DNAH8: variants seen among roughly 807,000 people sequenced by gnomAD.
DNAH8 encodes dynein axonemal heavy chain 8.
In DNAH8, 382 loss-of-function variants were observed where a neutral mutation model predicts 562.1. The observed-to-expected ratio is 0.68, with a 90% confidence interval of 0.63 to 0.74. The LOEUF (loss-of-function observed/expected upper bound fraction) is 0.74. Among genes scored for constraint, DNAH8 ranks in the 30% least tolerant of loss-of-function variants. The pLI, the probability that DNAH8 is intolerant of heterozygous loss-of-function variation, is 0.00. For missense variants in DNAH8, 5,203 were observed against 5,620.4 expected (o/e 0.93, Z 2.37); for synonymous variants, 1,881 against 1,919.4 (o/e 0.98, Z 0.52).
chr6:38,755,082 G>T (rs1009017287), intron 9 of DNAH8, among the ~76,000 whole-genome samples: 3 of 151,956 alleles, frequency 2.0e-5, no homozygotes, highest in Admixed American at 6.6e-5. Flanking sequence ...TCCATGGTTG[G>T]TTTATTTCAT....
intron 13 of DNAH8, among the ~76,000 whole-genome samples, chr6:38,777,282 C>G (rs1335062960): frequency 6.6e-6 from 1 of 151,002 alleles, no homozygotes; most frequent in African/African-American, 2.4e-5. Flanking sequence ...AACTTGTTAT[C>G]TCTTAAATTA....
chr6:38,909,371 A>G, intron 64 of DNAH8, 147 bp from the exon 65 acceptor site: 1 of 674,188 alleles, frequency 1.5e-6, no homozygotes, highest in Non-Finnish European at 2.6e-6. Flanking sequence ...CTTCATCACA[A>G]CATTAAATTT....
Position 38,976,404 on chromosome 6 carries a change from TCTC to T in DNAH8, c.12834+1878_12834+1880del, listed in dbSNP as rs1248417759. ...AGTGTTTACTGTGATATTTCCAAAA[TCTC>T]CTGGGAATTTTAGACATATGTTTCA... On this transcript the variant is annotated intron_variant, in intron 85 of 92. Coordinates refer to ENST00000327475, the MANE Select transcript of DNAH8 (RefSeq NM_001206927.2). Among the ~76,000 whole-genome samples the T allele has an allele frequency of 3.9e-5, 6 of 152,326 alleles. No homozygotes were observed. The East Asian group carries it at 1.2e-3, about 29-fold the overall frequency.
At position 38,791,689 on chromosome 6, in the gene DNAH8, A is replaced by C. The variant is rs1379317521; in HGVS notation, c.2901+15A>C. ...CCCTCAATGAGGTATGCATTTGTTC[A>C]TTAAATTAGAATCACAAAAATATTG... On this transcript the variant is annotated intron_variant, in intron 21 of 92. Coordinates refer to ENST00000327475, the MANE Select transcript of DNAH8 (RefSeq NM_001206927.2). 6.2e-7 allele frequency: 1 copy of C among 1,603,288 alleles called. No individual in the cohort carries two copies. The highest frequency in any genetic ancestry group is 8.5e-7 in the Non-Finnish European group (1 of 1,177,412).
intron 21 of DNAH8, 98 bp downstream of exon 21, chr6:38,791,772 AT>A: frequency 7.8e-7 from 1 of 1,282,226 alleles, no homozygotes; most frequent in Non-Finnish European, 1.1e-6. Flanking sequence ...GGTCAGTAGC[AT>A]TTAGACTTTT....
Position 38,823,045 on chromosome 6 carries a change from G to T in DNAH8, c.3720+11G>T. ...GATGTGAAAGTGAAGGTGTCTTTCT[G>T]CTACTTGTGATGTTGTTTGGGTTTT... On this transcript the variant is annotated intron_variant, in intron 27 of 92. Coordinates refer to ENST00000327475, the MANE Select transcript of DNAH8 (RefSeq NM_001206927.2). The T allele has an allele frequency of 6.4e-7, 1 of 1,557,570 alleles. No individual in the cohort carries two copies. The highest frequency in any genetic ancestry group is 8.6e-7 in the Non-Finnish European group (1 of 1,157,674).
intron 82 of DNAH8, among the ~76,000 whole-genome samples, chr6:38,964,524 A>G (rs945082143): frequency 1.3e-5 from 2 of 151,302 alleles, no homozygotes; most frequent in Non-Finnish European, 2.9e-5. Flanking sequence ...TTCTCCATGT[A>G]TGAATTCCTC....
intron 58 of DNAH8, among the ~76,000 whole-genome samples, chr6:38,891,547 A>G (rs1249514905): frequency 1.3e-5 from 2 of 152,198 alleles, no homozygotes; most frequent in African/African-American, 4.8e-5. Flanking sequence ...TTATTGGAAG[A>G]GGAATTTGGG....
intron 81 of DNAH8, among the ~76,000 whole-genome samples, chr6:38,950,243 C>T (rs1220887347): frequency 2.0e-5 from 3 of 148,350 alleles, no homozygotes; most frequent in East Asian, 2.0e-4. Context: ...ATGGGTAAGG[C>T]AGAGGAGTAA....
chr6:38,815,683 T>A (rs758927394), intron 26 of DNAH8, 26 bp downstream of exon 26: 1 of 1,580,532 alleles, frequency 6.3e-7, no homozygotes, highest in Non-Finnish European at 8.6e-7. Context: ...TAGTCAATGA[T>A]CTTACTGATC....
At chr6:38,984,459 CGCACACACAT>C in intron 87 of DNAH8, 152 bp downstream of exon 87, 2 of 611,712 alleles carry the variant, frequency 3.3e-6, no homozygotes, top group Non-Finnish European at 2.9e-6. Flanking sequence ...CTTACACACA[CGCACACACAT>C]GCACACACAC....
chr6:39,004,642 A>G (rs1190263547), intron 88 of DNAH8, among the ~76,000 whole-genome samples: 1 of 152,226 alleles, frequency 6.6e-6, no homozygotes, highest in African/African-American at 2.4e-5. Context: ...ATATAACGTT[A>G]TAAGATTTCC....
intron 35 of DNAH8, 71 bp downstream of exon 35, chr6:38,842,974 A>G: frequency 6.5e-7 from 1 of 1,532,632 alleles, no homozygotes; most frequent in Non-Finnish European, 8.8e-7. Context: ...TGGGAGTTGT[A>G]CAGATATTTT....
intron 36 of DNAH8, among the ~76,000 whole-genome samples, chr6:38,846,992 G>C (rs555092694): frequency 6.6e-6 from 1 of 152,284 alleles, no homozygotes; most frequent in East Asian, 1.9e-4. Context: ...GCAGTGCCAA[G>C]TAGGTCTGGA....
chr6:38,957,866 C>CAAAAAAAAAAAAAAAAAAA (rs1209427701), intron 82 of DNAH8, among the ~76,000 whole-genome samples: 1 of 75,888 alleles, frequency 1.3e-5, no homozygotes, highest in African/African-American at 5.4e-5. Context: ...ATGCCTACAC[C>CAAAAAAAAAAAAAAAAAAA]AAAAAAAAAA....
Position 38,909,684 on chromosome 6 carries a change from T to C in DNAH8, c.9680T>C (p.Val3227Ala), listed in dbSNP as rs774252886. The part of the protein sequence containing the change: ...VCSSEIKRQV[V>A]ETMGLFHDMV... ...TCTAGTGAAATTAAAAGACAAGTTG[T>C]AGAAACAATGGGCCTGTTTCATGAC... Residue 3227 changes from valine (V) to alanine (A), a missense_variant, in exon 65 of 93, where the codon GTA (valine) becomes GCA (alanine). Val to Ala is a moderately conservative substitution (Grantham distance 64). Coordinates refer to ENST00000327475, the MANE Select transcript of DNAH8 (RefSeq NM_001206927.2). 1 of 1,614,130 alleles carries C rather than the reference T, an allele frequency of 6.2e-7. No individual in the cohort carries two copies. The highest frequency in any genetic ancestry group is 8.5e-7 in the Non-Finnish European group (1 of 1,179,982).
At chr6:38,871,629 AT>A (rs1035428968) in intron 49 of DNAH8, among the ~76,000 whole-genome samples, 49 of 152,168 alleles carry the variant, frequency 3.2e-4, no homozygotes, top group Non-Finnish European at 5.9e-4. Flanking sequence ...TGACTTCTTA[AT>A]TTTTTTAATG....
intron 89 of DNAH8, 95 bp downstream of exon 89, chr6:39,009,065 G>A: frequency 1.1e-6 from 1 of 890,142 alleles, no homozygotes; most frequent in Non-Finnish European, 1.7e-6. Context: ...CTACCTGTTG[G>A]TGACTATGTG....
intron 53 of DNAH8, among the ~76,000 whole-genome samples, chr6:38,880,948 A>T (rs1460280806): frequency 1.3e-5 from 2 of 152,182 alleles, no homozygotes; most frequent in African/African-American, 4.8e-5. Flanking sequence ...AAATTGCTTG[A>T]ACCCGGAGAT....
Sources: gnomAD v4.1 joint callset for allele counts (sites outside exome capture counted in the v4.1 genomes callset) on GRCh38, gnomAD v4.1.1 for gene constraint, MANE v1.5 for transcripts, NCBI Gene and HGNC (gene_info 2026-07-23, HGNC 2026-07-21) for gene names.